The following MAGI1 variants were observed in gnomAD, a reference collection of about 807,000 sequenced individuals.
MAGI1 encodes membrane-associated guanylate kinase, WW and PDZ domain-containing protein 1.
In MAGI1, 58 loss-of-function variants were observed where a neutral mutation model predicts 139.9. The ratio of observed to expected loss-of-function variants is 0.41; its 90% CI spans 0.34 to 0.52. The LOEUF is 0.52. Ranked by LOEUF, MAGI1 falls within the 20% of genes least tolerant of loss-of-function variation. The probability of loss-of-function intolerance (pLI) is 0.12; values close to 1 mark genes in which losing one functional copy is unlikely to be tolerated. For missense variants in MAGI1, 1,874 were observed against 1,901.6 expected (o/e 0.99, Z 0.27); for synonymous variants, 812 against 737.9 (o/e 1.10, Z -1.63).
rs915958417 is a variant in MAGI1 at position 65,969,319 on chromosome 3, T to A, written c.313+68677A>T. On this transcript the variant is annotated intron_variant, in intron 1 of 22. Coordinates refer to ENST00000402939, the MANE Select transcript of MAGI1 (RefSeq NM_001033057.2). ...AGTTATTTCTCAAGTTTGGAAGTACTGGCATTTTGGCTGGTATGGTTCTGT... is the reference window on the plus strand; with the variant it reads ...AGTTATTTCTCAAGTTTGGAAGTACAGGCATTTTGGCTGGTATGGTTCTGT... Among the ~76,000 whole-genome samples, 13 of 152,328 alleles carry A rather than the reference T, an allele frequency of 8.5e-5. No individual in the cohort carries two copies. In the East Asian group the frequency reaches 2.5e-3, roughly 29 times the overall value.
At chr3:65,943,485 G>C (rs1487764030) in intron 1 of MAGI1, among the ~76,000 whole-genome samples, 6 of 151,372 alleles carry the variant, frequency 4.0e-5, no homozygotes, top group African/African-American at 1.2e-4. Flanking sequence ...TGAGGCAGGA[G>C]AATCGCTTGA....
At chr3:65,766,087 T>C (rs1378322513) in intron 1 of MAGI1, among the ~76,000 whole-genome samples, 1 of 151,950 alleles carries the variant, frequency 6.6e-6, no homozygotes, top group Non-Finnish European at 1.5e-5. Context: ...CTATGGATAT[T>C]TACATTTGCC....
intron 1 of MAGI1, among the ~76,000 whole-genome samples, chr3:65,973,318 A>G (rs567177855): frequency 1.2e-4 from 18 of 152,182 alleles, no homozygotes; most frequent in Admixed American, 4.6e-4. Context: ...CTAACCTGGT[A>G]TTTTCTACTC....
chr3:65,935,152 T>A (rs1444710475), intron 1 of MAGI1, among the ~76,000 whole-genome samples: 1 of 152,086 alleles, frequency 6.6e-6, no homozygotes, highest in Non-Finnish European at 1.5e-5. Context: ...AAACCTAAAC[T>A]ATGTATAGCA....
At chr3:65,434,866 T>A (rs186940861) in intron 10 of MAGI1, among the ~76,000 whole-genome samples, 63 of 151,870 alleles carry the variant, frequency 4.1e-4, no homozygotes, top group Non-Finnish European at 6.9e-4. Context: ...TCAAGGAGAG[T>A]TCAGTGAGCC....
At chr3:65,398,763 C>A (rs1419317263) in intron 13 of MAGI1, among the ~76,000 whole-genome samples, 1 of 151,962 alleles carries the variant, frequency 6.6e-6, no homozygotes, top group African/African-American at 2.4e-5. Context: ...TGCTATTTGG[C>A]AGAAAAATCC....
rs138721449 is a variant in MAGI1 at position 65,429,432 on chromosome 3, AGCC to A, written c.2167+85_2167+87del. 1,225 of 1,309,284 alleles carry A rather than the reference AGCC, an allele frequency of 9.4e-4. 9 individuals are homozygous for A. The African/African-American group carries it at 0.017, about 18-fold the overall frequency. The allele number at this position is 1,309,284 out of a possible 1,614,324, so 81.1% of individuals were successfully genotyped here. ...TTGAAACATTTAAATAAATTTAAAA[AGCC>A]CCCAGTGGTCATCTGAAGATGAGTA... is the stretch of plus-strand genomic sequence containing the variant. On this transcript the variant is annotated intron_variant, in intron 12 of 22. Transcript: ENST00000402939.
At position 65,630,190 on chromosome 3, in the gene MAGI1, C is replaced by T. The variant is rs138508350; in HGVS notation, c.314-8102G>A. Among the ~76,000 whole-genome samples the T allele has an allele frequency of 1.5e-4, 23 of 152,276 alleles. No individual in the cohort carries two copies. In the East Asian group the frequency reaches 3.9e-3, roughly 26 times the overall value. On this transcript the variant is annotated intron_variant, in intron 1 of 22. Transcript: ENST00000402939. ...TTTATTAAGTGCCTAGAGCTAAACA[C>T]CCTGTGAGCCCTGAGGATGCAACAA...
intron 2 of MAGI1, among the ~76,000 whole-genome samples, chr3:65,608,653 G>A (rs538949773): frequency 6.6e-6 from 1 of 152,220 alleles, no homozygotes; most frequent in African/African-American, 2.4e-5. Context: ...TGGTGAGGAT[G>A]AGAAGCAACT....
intron 1 of MAGI1, among the ~76,000 whole-genome samples, chr3:65,913,889 A>G (rs1350763371): frequency 6.6e-6 from 1 of 152,176 alleles, no homozygotes; most frequent in East Asian, 1.9e-4. Flanking sequence ...TTTATCTTCA[A>G]TTCAAGGGGT....
rs1276010386 is a variant in MAGI1 at position 65,391,216 on chromosome 3, G to A, written c.2342C>T (p.Thr781Ile). ...PPAEAQAPDQ[T>I]DSSGQKKPDP... ...TGGTTTTTTCTGGCCAGAGCTGTCA[G>A]TTTGATCTGGAGCTTGGGCCTCTGC... Residue 781 changes from threonine (T) to isoleucine (I), a missense_variant, in exon 14 of 23, where the codon ACT (threonine) becomes ATT (isoleucine). This residue lies in a region of MAGI1 where 482 missense variants were observed against 509.6 expected (regional missense o/e 0.95). Coordinates refer to ENST00000402939, the MANE Select transcript of MAGI1 (RefSeq NM_001033057.2). 6.2e-7 allele frequency: 1 copy of A among 1,614,230 alleles called. No individual in the cohort carries two copies. Among genetic ancestry groups the A allele is most frequent in the East Asian group, 2.2e-5 (1 of 44,870 alleles).
chr3:65,783,596 C>A (rs1359161982), intron 1 of MAGI1, among the ~76,000 whole-genome samples: 2 of 152,068 alleles, frequency 1.3e-5, no homozygotes, highest in Non-Finnish European at 2.9e-5. Flanking sequence ...TTGGCTCAAG[C>A]AATCCTCCCA....
intron 7 of MAGI1, among the ~76,000 whole-genome samples, chr3:65,443,679 TG>T (rs200511801): frequency 2.0e-5 from 3 of 152,092 alleles, no homozygotes; most frequent in Non-Finnish European, 2.9e-5. Context: ...GACTAGGTTG[TG>T]GGTTTTTTTT....
chr3:65,440,844 T>TACATATGTATACATATATATGTATACAC (rs1350911619), intron 8 of MAGI1, among the ~76,000 whole-genome samples: 13 of 31,864 alleles, frequency 4.1e-4, no homozygotes, highest in African/African-American at 7.5e-4. Context: ...TATACATATA[T>TACATATGTATACATATATATGTATACAC]ACATATGTAT....
rs1395023455 is a variant in MAGI1, at chr3:65,699,450, C to T, written c.314-77362G>A. Among the ~76,000 whole-genome samples the T allele has an allele frequency of 4.1e-5, 6 of 145,846 alleles. No homozygotes were observed. In the South Asian group the frequency reaches 1.3e-3, roughly 32 times the overall value. ...CACATATGTTTATTGCGGCATTATTCACAATAGCAAAGACTTGGAACCAAC... is the reference window on the plus strand; with the variant it reads ...CACATATGTTTATTGCGGCATTATTTACAATAGCAAAGACTTGGAACCAAC... On this transcript the variant is annotated intron_variant, in intron 1 of 22. Coordinates refer to ENST00000402939, the MANE Select transcript of MAGI1 (RefSeq NM_001033057.2).
intron 2 of MAGI1, among the ~76,000 whole-genome samples, chr3:65,501,390 G>C (rs1364766408): frequency 2.2e-5 from 3 of 137,188 alleles, no homozygotes; most frequent in African/African-American, 8.1e-5. Flanking sequence ...AGAACTGCTT[G>C]AACCCGGGAG....
intron 1 of MAGI1, among the ~76,000 whole-genome samples, chr3:65,794,847 A>G (rs2108089618): frequency 1.2e-5 from 1 of 81,998 alleles, no homozygotes; most frequent in Admixed American, 1.8e-4. Flanking sequence ...TCATCAGGAA[A>G]AAAAAAAAAA....
intron 1 of MAGI1, among the ~76,000 whole-genome samples, chr3:65,998,077 T>C (rs1276173330): frequency 3.5e-5 from 5 of 141,566 alleles, no homozygotes; most frequent in Admixed American, 7.5e-5. Context: ...CACTCCAGCC[T>C]GGGCGACAGA....
In MAGI1 at chr3:65,448,697, T is replaced by TACAC. The variant is rs10591133; in HGVS notation, c.1043-644_1043-641dup. ...TTAACTGGTTTTGTGAGAAAACACA[T>TACAC]ACACACACACACACACACACACACA... On this transcript the variant is annotated intron_variant, in intron 6 of 22. Transcript: ENST00000402939. Among the ~76,000 whole-genome samples, 636 of 149,826 alleles carry TACAC rather than the reference T, an allele frequency of 4.2e-3. 4 individuals are homozygous for TACAC. The highest frequency in any genetic ancestry group is 0.015 in the African/African-American group (607 of 40,736).
Sources: gnomAD v4.1 joint callset for allele counts (sites outside exome capture counted in the v4.1 genomes callset) on GRCh38, gnomAD v4.1.1 for gene constraint, gnomAD v4.1.1 regional missense constraint, MANE v1.5 for transcripts, NCBI Gene and HGNC (gene_info 2026-07-23, HGNC 2026-07-21) for gene names.